ZNHIT2: variants seen among roughly 807,000 people sequenced by gnomAD.
ZNHIT2 encodes zinc finger HIT-type containing 2.
In ZNHIT2, 16 loss-of-function variants were observed where a neutral mutation model predicts 18.0. The ratio of observed to expected loss-of-function variants is 0.89; its 90% confidence interval spans 0.60 to 1.35. The LOEUF (loss-of-function observed/expected upper bound fraction) is 1.35, where lower values mean the gene tolerates loss of function less well. Ranked by LOEUF, ZNHIT2 falls within the 40% of genes most tolerant of loss-of-function variation. The pLI is 0.00. For missense variants in ZNHIT2, 631 were observed against 566.4 expected (o/e 1.11, Z -1.16); for synonymous variants, 336 against 269.8 (o/e 1.25, Z -2.41).
Position 65,116,975 on chromosome 11 carries a change from CGA to C in ZNHIT2, c.677_678del (p.Leu226ArgfsTer7), listed in dbSNP as rs1565328086. ...GCGTCGTCACCGCCGTGATACAGGG[CGA>C]GAGTATGCGCGTAGGCGAACAGCAC... ...PNVLFAYAHT[L>X]ALYHGGDDAL... On this transcript the variant is annotated frameshift_variant, in exon 1 of 1. Transcript: ENST00000310597. LOFTEE classifies it high-confidence loss of function. 1 of 1,602,188 alleles carries C rather than the reference CGA, an allele frequency of 6.2e-7. No individual in the cohort carries two copies. Among genetic ancestry groups the C allele is most frequent in the Admixed American group, 1.7e-5 (1 of 59,558 alleles).
rs1947986070 is a variant in ZNHIT2 at position 65,116,423 on chromosome 11, A to T, written c.*19T>A. 1 of 1,509,448 alleles carries T rather than the reference A, an allele frequency of 6.6e-7. No individual in the cohort carries two copies. The highest frequency in any genetic ancestry group is 2.3e-5 in the East Asian group (1 of 43,686). 93.5% of individuals were successfully genotyped at this position (1,509,448 alleles called of 1,614,324 possible). The stretch of plus-strand genomic sequence containing the variant: ...AGGGCTGACCAGTCACAGCTTTATT[A>T]ATGACCAGGGTAACCCGTTCAGCTA... On this transcript the variant is annotated 3_prime_UTR_variant, in exon 1 of 1. Transcript: ENST00000310597.
In ZNHIT2 at chr11:65,116,451, G is replaced by A. The variant is rs1590818453; in HGVS notation, c.1203C>T (p.Leu401=). The A allele has an allele frequency of 1.3e-6, 2 of 1,512,388 alleles. No individual in the cohort carries two copies. The highest frequency in any genetic ancestry group is 1.8e-6 in the Non-Finnish European group (2 of 1,129,584). The allele number at this position is 1,512,388 out of a possible 1,614,324, so 93.7% of individuals were successfully genotyped here. A position where few individuals can be genotyped will look rare whatever the true frequency, so the allele number is the denominator to read the frequency against. The change falls in exon 1 of 1, where the codon CTC becomes CTT. Residue 401 remains leucine (L), a synonymous_variant. Transcript: ENST00000310597. ...GACCAGGGTAACCCGTTCAGCTAGG[G>A]AGCTCCTCAATGAGAGTTCTTGGGG... ...PPAPRTLIEE[L]PS is the part of the protein sequence containing the mutation.
rs567651755 is a variant in ZNHIT2 at position 65,117,083 on chromosome 11, C to G, written c.571G>C (p.Val191Leu). Residue 191 changes from valine (V) to leucine (L), a missense_variant, in exon 1 of 1, where the codon GTC becomes CTC. By Grantham distance (32) the Val-to-Leu change is conservative. Coordinates refer to ENST00000310597, the MANE Select transcript of ZNHIT2 (RefSeq NM_014205.4). Reference sequence around the variant, plus strand: ...ATCGCGGGGATGCGGGTGGGTACGACGGGCGTGCAGGCCCCCGGGACATCT... The same window carrying G: ...ATCGCGGGGATGCGGGTGGGTACGAGGGGCGTGCAGGCCCCCGGGACATCT... ...LGDVPGACTP[V>L]VPTRIPAIVS... 4 of 1,592,666 alleles carry G rather than the reference C, an allele frequency of 2.5e-6. No individual in the cohort carries two copies. The highest frequency in any genetic ancestry group is 3.4e-6 in the Non-Finnish European group (4 of 1,172,692).
chr11:65,116,694 G>C lies in ZNHIT2; in HGVS notation c.960C>G (p.Ala320=), dbSNP rs1477856301. 1.2e-6 allele frequency: 2 copies of C among 1,613,904 alleles called. No homozygotes were observed. The highest frequency in any genetic ancestry group is 1.7e-5 in the Admixed American group (1 of 60,034). The change falls in exon 1 of 1, where the codon GCC becomes GCG. Residue 320 remains alanine, a synonymous_variant. Coordinates refer to ENST00000310597, the MANE Select transcript of ZNHIT2 (RefSeq NM_014205.4). ...LGDLAQTLGR[A]RKQAVAREER... ...CTTCTCTAGCCACGGCCTGTTTCCG[G>C]GCACGGCCCAGGGTCTGTGCCAGGT... is the stretch of plus-strand genomic sequence containing the variant.
rs1947997348 is a variant in ZNHIT2, at chr11:65,116,993, C to T, written c.661G>A (p.Ala221Thr). 1.2e-6 allele frequency: 2 copies of T among 1,602,480 alleles called. No individual in the cohort carries two copies. The highest frequency in any genetic ancestry group is 1.7e-6 in the Non-Finnish European group (2 of 1,177,496). Residue 221 changes from alanine (A) to threonine (T), a missense_variant, in exon 1 of 1, where the codon GCC (alanine) becomes ACC (threonine). Ala to Thr is a moderately conservative substitution (Grantham distance 58). Transcript: ENST00000310597. The stretch of plus-strand genomic sequence containing the variant: ...TACAGGGCGAGAGTATGCGCGTAGG[C>T]GAACAGCACATTGGGCAGCTGGAAG... Reference protein sequence around the residue: ...VRFQLPNVLFAYAHTLALYHG... With the variant: ...VRFQLPNVLFTYAHTLALYHG...
rs1449951568 is a variant in ZNHIT2 at position 65,117,460 on chromosome 11, G to A, written c.194C>T (p.Ala65Val). 3 of 1,540,560 alleles carry A rather than the reference G, an allele frequency of 1.9e-6. No homozygotes were observed. The African/African-American group carries it at 4.1e-5, about 21-fold the overall frequency. ...RGCSAPPSRL[A>V]SALRRLRQQR... is the part of the protein sequence containing the mutation. ...CTGACGCAGCCGGCGTAGGGCGCTT[G>A]CTAGGCGGCTGGGAGGAGCGCTGCA... Residue 65 changes from alanine (A) to valine (V), a missense_variant, in exon 1 of 1, where the codon GCA becomes GTA. Ala to Val is a moderately conservative substitution (Grantham distance 64, BLOSUM62 0). Transcript: ENST00000310597.
rs1401917617 is a variant in ZNHIT2 at position 65,116,711 on chromosome 11, G to T, written c.943C>A (p.Gln315Lys). The change falls in exon 1 of 1, where the codon CAG becomes AAG. Residue 315 changes from glutamine to lysine, a missense_variant. By Grantham distance (53) the Gln-to-Lys change is moderately conservative. Transcript: ENST00000310597. ...YTLAALGDLA[Q>K]TLGRARKQAV... ...TGTTTCCGGGCACGGCCCAGGGTCT[G>T]TGCCAGGTCCCCCAGTGCTGCCAGC... 42 of 1,613,228 alleles carry T rather than the reference G, an allele frequency of 2.6e-5. No homozygotes were observed. The highest frequency in any genetic ancestry group is 3.6e-5 in the Non-Finnish European group (42 of 1,179,624).
In ZNHIT2 at chr11:65,117,650, C is replaced by G. The variant is rs974689311; in HGVS notation, c.4G>C (p.Glu2Gln). 4 of 1,405,180 alleles carry G rather than the reference C, an allele frequency of 2.8e-6. No homozygotes were observed. The highest frequency in any genetic ancestry group is 3.7e-6 in the Non-Finnish European group (4 of 1,082,538). The allele number at this position is 1,405,180 out of a possible 1,614,324, so 87.0% of individuals were successfully genotyped here. Reference protein sequence around the residue: MEPAGPCGFCPA... With the variant: MQPAGPCGFCPA... Reference sequence around the variant, plus strand: ...CAGAAGCCACAGGGCCCGGCCGGCTCCATGGCAACTGGCACCGCGATCTAC... The same window carrying G: ...CAGAAGCCACAGGGCCCGGCCGGCTGCATGGCAACTGGCACCGCGATCTAC... Residue 2 changes from glutamate (E) to glutamine (Q), a missense_variant, in exon 1 of 1, where the codon GAG (glutamate) becomes CAG (glutamine). Physicochemically the swap from Glu to Gln is conservative, Grantham distance 29 (BLOSUM62 2). Coordinates refer to ENST00000310597, the MANE Select transcript of ZNHIT2 (RefSeq NM_014205.4).
Position 65,116,788 on chromosome 11 carries a change from T to C in ZNHIT2, c.866A>G (p.Glu289Gly). The C allele has an allele frequency of 6.2e-7, 1 of 1,608,330 alleles. No individual in the cohort carries two copies. Among genetic ancestry groups the C allele is most frequent in the Non-Finnish European group, 8.5e-7 (1 of 1,176,430 alleles). The change falls in exon 1 of 1, where the codon GAG becomes GGG. Residue 289 changes from glutamate (E) to glycine (G), a missense_variant. Physicochemically the swap from Glu to Gly is moderately conservative, Grantham distance 98 (BLOSUM62 -2). Transcript: ENST00000310597. Reference protein sequence around the residue: ...GPLGTRGAMHEVARILLGEGP... With the variant: ...GPLGTRGAMHGVARILLGEGP... ...CTCGCCCAGCAGGATGCGGGCGACC[T>C]CGTGCATAGCCCCTCGTGTGCCCAG...
chr11:65,117,222 A>G lies in ZNHIT2; in HGVS notation c.432T>C (p.Asp144=). ...GAGPQLLEEL[D]NAPGSDAAEL... ...CCGCGGCGTCACTACCCGGGGCATT[A>G]TCCAGCTCCTCCAGAAGCTGCGGTC... is the stretch of plus-strand genomic sequence containing the variant. Residue 144 remains aspartate, a synonymous_variant, in exon 1 of 1, where the codon GAT becomes GAC. Coordinates refer to ENST00000310597, the MANE Select transcript of ZNHIT2 (RefSeq NM_014205.4). The G allele has an allele frequency of 6.6e-7, 1 of 1,520,204 alleles. No individual in the cohort carries two copies. The highest frequency in any genetic ancestry group is 1.3e-5 in the South Asian group (1 of 79,150). 94.2% of individuals were successfully genotyped at this position (1,520,204 alleles called of 1,614,324 possible).
At position 65,117,492 on chromosome 11, in the gene ZNHIT2, G is replaced by C; in HGVS notation, c.162C>G (p.Leu54=). 6.3e-7 allele frequency: 1 copy of C among 1,577,770 alleles called. No homozygotes were observed. The highest frequency in any genetic ancestry group is 1.1e-5 in the South Asian group (1 of 87,726). ...NFYRDQVLGE[L]RGCSAPPSRL... ...GGCTGGGAGGAGCGCTGCAACCGCG[G>C]AGCTCTCCCAGCACCTGGTCACGGT... Residue 54 remains leucine (L), a synonymous_variant, in exon 1 of 1, where the codon CTC becomes CTG. Transcript: ENST00000310597.
rs35178303 is a variant in ZNHIT2 at position 65,117,148 on chromosome 11, G to T, written c.506C>A (p.Ala169Asp). The T allele has an allele frequency of 4.7e-4, 738 of 1,577,292 alleles. 5 individuals are homozygous for T. The highest frequency in any genetic ancestry group is 8.6e-5 in the Non-Finnish European group (100 of 1,165,762). Residue 169 changes from alanine (A) to aspartate (D), a missense_variant, in exon 1 of 1, where the codon GCC becomes GAC. By Grantham distance (126) the Ala-to-Asp change is moderately radical (BLOSUM62 -2). Coordinates refer to ENST00000310597, the MANE Select transcript of ZNHIT2 (RefSeq NM_014205.4). ...ARTPPDSVKD[A>D]SAAEPAAAER... ...GGCGGCCGCGGGCTCCGCGGCGGAG[G>T]CATCTTTCACAGAATCCGGCGGGGT...
At position 65,116,500 on chromosome 11, in the gene ZNHIT2, A is replaced by T; in HGVS notation, c.1154T>A (p.Leu385His). 6.6e-7 allele frequency: 1 copy of T among 1,526,060 alleles called. No homozygotes were observed. The highest frequency in any genetic ancestry group is 8.8e-7 in the Non-Finnish European group (1 of 1,134,734). The allele number at this position is 1,526,060 out of a possible 1,614,324, so 94.5% of individuals were successfully genotyped here. A position where few individuals can be genotyped will look rare whatever the true frequency, so the allele number is the denominator to read the frequency against. The change falls in exon 1 of 1, where the codon CTT (leucine) becomes CAT (histidine). Residue 385 changes from leucine (L) to histidine (H), a missense_variant. By Grantham distance (99) the Leu-to-His change is moderately conservative. Transcript: ENST00000310597. ...GGCAGGTGGCACGGGGCCTCCCCAA[A>T]GCCGCTCCAGCTCCCCAGTGAGGGC... Reference protein sequence around the residue: ...VAALTGELERLWGGPVPPAPR... With the variant: ...VAALTGELERHWGGPVPPAPR...
Position 65,116,823 on chromosome 11 carries a change from C to T in ZNHIT2, c.831G>A (p.Pro277=). The T allele has an allele frequency of 1.2e-6, 2 of 1,608,104 alleles. No individual in the cohort carries two copies. Among genetic ancestry groups the T allele is most frequent in the Non-Finnish European group, 1.7e-6 (2 of 1,177,876 alleles). The change falls in exon 1 of 1, where the codon CCG becomes CCA. Residue 277 remains proline, a synonymous_variant. Coordinates refer to ENST00000310597, the MANE Select transcript of ZNHIT2 (RefSeq NM_014205.4). ...AAHVLEAGEH[P]PGPLGTRGAM... ...CCCCTCGTGTGCCCAGGGGCCCCGG[C>T]GGGTGCTCGCCTGCTTCCAGCACGT... is the stretch of plus-strand genomic sequence containing the variant.
rs753178223 is a variant in ZNHIT2 at position 65,117,003 on chromosome 11, A to T, written c.651T>A (p.Asn217Lys). The change falls in exon 1 of 1, where the codon AAT (asparagine) becomes AAA (lysine). Residue 217 changes from asparagine to lysine, a missense_variant. Transcript: ENST00000310597. ...GAGTATGCGCGTAGGCGAACAGCAC[A>T]TTGGGCAGCTGGAAGCGCACGAGCG... ...VSPLVRFQLP[N>K]VLFAYAHTLA... The T allele has an allele frequency of 6.2e-7, 1 of 1,602,450 alleles. No individual in the cohort carries two copies.
rs1312094438 is a variant in ZNHIT2, at chr11:65,117,071, G to A, written c.583C>T (p.Arg195Cys). 6.3e-7 allele frequency: 1 copy of A among 1,593,036 alleles called. No homozygotes were observed. The highest frequency in any genetic ancestry group is 1.8e-5 in the Admixed American group (1 of 56,854). ...PGACTPVVPT[R>C]IPAIVSLSRG... ...CTCAGGCTGACTATCGCGGGGATGC[G>A]GGTGGGTACGACGGGCGTGCAGGCC... The change falls in exon 1 of 1, where the codon CGC becomes TGC. Residue 195 changes from arginine (R) to cysteine (C), a missense_variant. Physicochemically the swap from Arg to Cys is radical, Grantham distance 180. Transcript: ENST00000310597.
Position 65,116,691 on chromosome 11 carries a change from C to A in ZNHIT2, c.963G>T (p.Arg321=). Residue 321 remains arginine (R), a synonymous_variant, in exon 1 of 1, where the codon CGG becomes CGT. Coordinates refer to ENST00000310597, the MANE Select transcript of ZNHIT2 (RefSeq NM_014205.4). ...GDLAQTLGRA[R]KQAVAREERD... ...GCTCTTCTCTAGCCACGGCCTGTTT[C>A]CGGGCACGGCCCAGGGTCTGTGCCA... 1 of 1,613,916 alleles carries A rather than the reference C, an allele frequency of 6.2e-7. No homozygotes were observed. The highest frequency in any genetic ancestry group is 8.5e-7 in the Non-Finnish European group (1 of 1,180,006).
chr11:65,117,591 G>A lies in ZNHIT2; in HGVS notation c.63C>T (p.Thr21=), dbSNP rs1252656542. The A allele has an allele frequency of 7.1e-6, 11 of 1,551,684 alleles. No homozygotes were observed. Among genetic ancestry groups the A allele is most frequent in the African/African-American group, 1.4e-5 (1 of 72,862 alleles). Residue 21 remains threonine, a synonymous_variant, in exon 1 of 1, where the codon ACC becomes ACT. Coordinates refer to ENST00000310597, the MANE Select transcript of ZNHIT2 (RefSeq NM_014205.4). ...AGTAGGGCGCATTACAGCGAGGGCA[G>A]GTGTAACGCGCTGGCTGGACCTCCC... ...PAGEVQPARY[T]CPRCNAPYCS... is the part of the protein sequence containing the mutation.
chr11:65,116,634 G>C lies in ZNHIT2; in HGVS notation c.1020C>G (p.Cys340Trp). Residue 340 changes from cysteine to tryptophan, a missense_variant, in exon 1 of 1, where the codon TGC becomes TGG. Transcript: ENST00000310597. ...CGTTGGTCCAGGCCAGGAGGAACTG[G>C]CACTTTTTCCGGGCCCGGTAAAGAT... ...RDHLYRARKKCQFLLAWTNEN... is the reference protein window; with the variant it reads ...RDHLYRARKKWQFLLAWTNEN... 1 of 1,614,042 alleles carries C rather than the reference G, an allele frequency of 6.2e-7. No individual in the cohort carries two copies. Among genetic ancestry groups the C allele is most frequent in the Non-Finnish European group, 8.5e-7 (1 of 1,179,948 alleles).
Sources: gnomAD v4.1 joint callset for allele counts on GRCh38, gnomAD v4.1.1 for gene constraint, MANE v1.5 for transcripts, NCBI Gene and HGNC (gene_info 2026-07-23, HGNC 2026-07-21) for gene names.